THEMIS: variants seen among roughly 807,000 people sequenced by gnomAD.
THEMIS encodes the protein thymocyte selection associated, also known as protein THEMIS.
Under a neutral mutation model 52.6 loss-of-function variants are expected in THEMIS, and 37 were observed. The ratio of observed to expected loss-of-function variants is 0.70; its 90% CI spans 0.54 to 0.93. THEMIS has a LOEUF of 0.93. Among genes scored for constraint, THEMIS ranks in the 40% least tolerant of loss-of-function variants. The pLI is 0.00. For synonymous variants in THEMIS, 292 were observed against 272.7 expected (o/e 1.07, Z -0.70); for missense variants, 808 against 763.1 (o/e 1.06, Z -0.69).
At chr6:127,807,343 G>C (rs925307508) in intron 4 of THEMIS, 1 of 256,330 alleles carries the variant, frequency 3.9e-6, no homozygotes, top group Admixed American at 5.7e-5. Flanking sequence ...CTAGGCAACA[G>C]AGTGAGAATT....
At chr6:127,747,272 T>C (rs2114316280) in intron 4 of THEMIS, among the ~76,000 whole-genome samples, 1 of 141,246 alleles carries the variant, frequency 7.1e-6, no homozygotes, top group East Asian at 2.1e-4. Context: ...GCTATCTCTA[T>C]ATTACATATA....
intron 1 of THEMIS, 53 bp from the exon 2 acceptor site, chr6:127,855,241 C>A: frequency 1.4e-6 from 2 of 1,407,702 alleles, no homozygotes; most frequent in South Asian, 1.4e-5. Context: ...CAGTGAAAAA[C>A]AAAGTAGACT....
intron 4 of THEMIS, among the ~76,000 whole-genome samples, chr6:127,736,390 C>T (rs150642699): frequency 6.6e-6 from 1 of 152,250 alleles, no homozygotes; most frequent in Non-Finnish European, 1.5e-5. Context: ...CCCACTCCCA[C>T]ATTCACTTTG....
At chr6:127,763,050 C>T (rs1006541054) in intron 4 of THEMIS, among the ~76,000 whole-genome samples, 1 of 151,864 alleles carries the variant, frequency 6.6e-6, no homozygotes, top group Non-Finnish European at 1.5e-5. Context: ...AAAGGGAATG[C>T]TTTTAAGTAT....
chr6:127,909,239 C>T (rs539116822), intron 1 of THEMIS, among the ~76,000 whole-genome samples: 10 of 152,156 alleles, frequency 6.6e-5, no homozygotes, highest in Non-Finnish European at 1.0e-4. Flanking sequence ...CCTGGTGCCA[C>T]TAGACTGAGT....
At chr6:127,745,500 C>T (rs1055664716) in intron 4 of THEMIS, among the ~76,000 whole-genome samples, 6 of 151,672 alleles carry the variant, frequency 4.0e-5, no homozygotes, top group African/African-American at 1.5e-4. Flanking sequence ...TTACAATGTA[C>T]CTGTACTACG....
intron 3 of THEMIS, among the ~76,000 whole-genome samples, chr6:127,816,782 T>C (rs1342075785): frequency 6.6e-6 from 1 of 152,116 alleles, no homozygotes; most frequent in African/African-American, 2.4e-5. Context: ...AAAGCCAAAG[T>C]CCTTACCTGG....
intron 2 of THEMIS, among the ~76,000 whole-genome samples, chr6:127,849,882 T>G (rs567143590): frequency 6.8e-6 from 1 of 148,098 alleles, no homozygotes; most frequent in African/African-American, 2.4e-5. Context: ...CAAAAATAAA[T>G]AAATGGGACC....
chr6:127,819,271 A>C (rs557314501), intron 3 of THEMIS, among the ~76,000 whole-genome samples: 1 of 152,026 alleles, frequency 6.6e-6, no homozygotes, highest in South Asian at 2.1e-4. Flanking sequence ...TTACCAAACC[A>C]AAAAAGAAAA....
chr6:127,904,970 A>C (rs540956575), upstream of THEMIS, among the ~76,000 whole-genome samples: 27 of 151,788 alleles, frequency 1.8e-4, no homozygotes, highest in African/African-American at 4.4e-4. Context: ...CTCTCTCTCT[A>C]TCTATCTATC....
intron 4 of THEMIS, among the ~76,000 whole-genome samples, chr6:127,786,942 T>C (rs1776968976): frequency 6.6e-6 from 1 of 152,014 alleles, no homozygotes; most frequent in Non-Finnish European, 1.5e-5. Context: ...AAAAGCAACT[T>C]TGCAACCACC....
intron 4 of THEMIS, among the ~76,000 whole-genome samples, chr6:127,789,844 T>C (rs1028918332): frequency 6.6e-6 from 1 of 152,148 alleles, no homozygotes; most frequent in African/African-American, 2.4e-5. Flanking sequence ...TGCTAAAAAC[T>C]CTCAGTAAAC....
At chr6:127,786,373 T>C (rs1283885723) in intron 4 of THEMIS, among the ~76,000 whole-genome samples, 1 of 152,170 alleles carries the variant, frequency 6.6e-6, no homozygotes, top group Non-Finnish European at 1.5e-5. Context: ...TGAAATAGAA[T>C]CTGTAAAACT....
chr6:127,740,026 A>C (rs774263946), intron 4 of THEMIS, among the ~76,000 whole-genome samples: 1 of 152,118 alleles, frequency 6.6e-6, no homozygotes, highest in Non-Finnish European at 1.5e-5. Context: ...CTCTGGCTGT[A>C]CCCACGGGCA....
intron 2 of THEMIS, among the ~76,000 whole-genome samples, chr6:127,847,385 C>A (rs529125264): frequency 6.6e-6 from 1 of 151,988 alleles, no homozygotes; most frequent in East Asian, 1.9e-4. Context: ...CTAGAAAAAC[C>A]TAAAGACTCA....
intron 4 of THEMIS, among the ~76,000 whole-genome samples, chr6:127,806,115 T>C (rs1777699685): frequency 6.6e-6 from 1 of 152,128 alleles, no homozygotes; most frequent in African/African-American, 2.4e-5. Context: ...ACTTAATACA[T>C]ACTGTGCAAT....
rs116530892 is a variant in THEMIS, at chr6:127,794,313, G to A, written c.1758+18570C>T. Among the ~76,000 whole-genome samples, 516 of 152,240 alleles carry A rather than the reference G, an allele frequency of 3.4e-3. 3 individuals carry two copies. Among genetic ancestry groups the A allele is most frequent in the African/African-American group, 0.012 (478 of 41,538 alleles). Reference sequence around the variant, plus strand: ...AAAGCCAAAATGAGCCCTTTAAGATGTAAGTCAGTTTATGTCATTTCTCCA... The same window carrying A: ...AAAGCCAAAATGAGCCCTTTAAGATATAAGTCAGTTTATGTCATTTCTCCA... On this transcript the variant is annotated intron_variant, in intron 4 of 5. Transcript: ENST00000368248.
intron 1 of THEMIS, among the ~76,000 whole-genome samples, chr6:127,913,823 T>C (rs1483046292): frequency 2.6e-5 from 4 of 152,230 alleles, no homozygotes; most frequent in Admixed American, 1.3e-4. Flanking sequence ...AATACCAGTA[T>C]TGATTGGAAA....
chr6:127,790,859 C>A (rs1777132755), intron 4 of THEMIS, among the ~76,000 whole-genome samples: 1 of 152,214 alleles, frequency 6.6e-6, no homozygotes, highest in South Asian at 2.1e-4. Context: ...CAGCTCCCTG[C>A]AAGGCTGTGG....
Sources: allele counts gnomAD v4.1 joint callset (sites outside exome capture counted in the v4.1 genomes callset), GRCh38; gene constraint gnomAD v4.1.1; transcripts MANE v1.5; gene names NCBI Gene and HGNC (gene_info 2026-07-23, HGNC 2026-07-21).